LIN52: variants seen among roughly 807,000 people sequenced by gnomAD.
LIN52 encodes protein lin-52 homolog.
A neutral mutation model predicts 18.5 loss-of-function variants in LIN52; 4 were observed. The observed-to-expected ratio is 0.22, with a 90% confidence interval of 0.11 to 0.49. The LOEUF (loss-of-function observed/expected upper bound fraction) is 0.49. Among genes scored for constraint, LIN52 ranks in the 20% least tolerant of loss-of-function variants. LIN52 has a pLI of 0.97. For missense variants in LIN52, 102 were observed against 139.5 expected (o/e 0.73, Z 1.35); for synonymous variants, 34 against 45.5 (o/e 0.75, Z 1.02).
At chr14:74,113,547 G>A (rs1473550750) in intron 5 of LIN52, among the ~76,000 whole-genome samples, 2 of 152,148 alleles carry the variant, frequency 1.3e-5, no homozygotes, top group African/African-American at 4.8e-5. Flanking sequence ...CTAGACCCCA[G>A]GTTATGTTAG....
chr14:74,117,533 T>G (rs1229864324), intron 5 of LIN52, among the ~76,000 whole-genome samples: 1 of 152,174 alleles, frequency 6.6e-6, no homozygotes, highest in East Asian at 1.9e-4. Context: ...TGATGAGAAC[T>G]AAAGTGATTA....
intron 5 of LIN52, among the ~76,000 whole-genome samples, chr14:74,147,174 C>T (rs2061155463): frequency 6.6e-6 from 1 of 152,168 alleles, no homozygotes; most frequent in Non-Finnish European, 1.5e-5. Context: ...AGGAGAATCG[C>T]TTGGATGCCT....
chr14:74,192,263 C>G (rs2078882141), intron 5 of LIN52, among the ~76,000 whole-genome samples: 1 of 151,926 alleles, frequency 6.6e-6, no homozygotes, highest in Non-Finnish European at 1.5e-5. Context: ...AGACTGAGAA[C>G]AGTGGTTGTT....
At chr14:74,103,106 T>C (rs2060870244) in intron 5 of LIN52, among the ~76,000 whole-genome samples, 1 of 152,152 alleles carries the variant, frequency 6.6e-6, no homozygotes, top group Admixed American at 6.5e-5. Context: ...TGAGACAGAG[T>C]CTTACTCTGT....
chr14:74,094,935 C>T (rs141894356), intron 2 of LIN52, among the ~76,000 whole-genome samples: 1 of 151,658 alleles, frequency 6.6e-6, no homozygotes, highest in African/African-American at 2.4e-5. Flanking sequence ...ACTGTGTTGC[C>T]CAGGCTGGTC....
At chr14:74,181,894 T>C (rs1284146951) in intron 5 of LIN52, among the ~76,000 whole-genome samples, 1 of 152,190 alleles carries the variant, frequency 6.6e-6, no homozygotes, top group Non-Finnish European at 1.5e-5. Context: ...TTGAAACAAA[T>C]TCATAAGCAA....
At chr14:74,145,316 AT>A (rs2061148956) in intron 5 of LIN52, among the ~76,000 whole-genome samples, 1 of 152,166 alleles carries the variant, frequency 6.6e-6, no homozygotes, top group Non-Finnish European at 1.5e-5. Flanking sequence ...TATTACTTTT[AT>A]GTGTGCCCTC....
At chr14:74,178,323 TTTAGGTGTATTATTCATATTGTC>T (rs2061302233) in intron 5 of LIN52, among the ~76,000 whole-genome samples, 1 of 152,222 alleles carries the variant, frequency 6.6e-6, no homozygotes, top group Non-Finnish European at 1.5e-5. Context: ...GGTAGGAATC[TTTAGGTGTATTATTCATATTGTC>T]TTTTGGCCAT....
chr14:74,109,485 G>A (rs889122772), intron 5 of LIN52, among the ~76,000 whole-genome samples: 1 of 152,120 alleles, frequency 6.6e-6, no homozygotes, highest in Admixed American at 6.6e-5. Context: ...AAAATTGGTT[G>A]GCCGTAAATG....
At chr14:74,095,713 T>C (rs557704946) in intron 2 of LIN52, among the ~76,000 whole-genome samples, 15 of 152,218 alleles carry the variant, frequency 9.9e-5, no homozygotes, top group Non-Finnish European at 2.1e-4. Context: ...TGAGGCATTA[T>C]TTTCCTTGAG....
intron 5 of LIN52, among the ~76,000 whole-genome samples, chr14:74,106,031 A>T (rs1284065840): frequency 1.3e-5 from 2 of 152,248 alleles, no homozygotes; most frequent in African/African-American, 2.4e-5. Context: ...ATAGTCTCTC[A>T]GATGATTGAG....
intron 5 of LIN52, among the ~76,000 whole-genome samples, chr14:74,105,578 ATT>A (rs11330179): frequency 0.12 from 17,000 of 147,672 alleles, 1,212 homozygotes; most frequent in Admixed American, 0.19. Flanking sequence ...TAAAAACAAG[ATT>A]TTTTTTTTTT....
intron 4 of LIN52, among the ~76,000 whole-genome samples, chr14:74,099,292 C>T (rs1264794244): frequency 6.6e-6 from 1 of 151,946 alleles, no homozygotes; most frequent in East Asian, 1.9e-4. Flanking sequence ...AAAAAAACAC[C>T]TTTATTTGAT....
chr14:74,165,843 C>G (rs1212690578), intron 5 of LIN52, among the ~76,000 whole-genome samples: 2 of 150,936 alleles, frequency 1.3e-5, no homozygotes, highest in African/African-American at 4.9e-5. Flanking sequence ...GCCTTGTTTC[C>G]AAAAATGTTA....
chr14:74,151,369 C>A (rs1453074675), intron 5 of LIN52, among the ~76,000 whole-genome samples: 3 of 152,026 alleles, frequency 2.0e-5, no homozygotes, highest in Non-Finnish European at 4.4e-5. Flanking sequence ...TTGGATAGAA[C>A]CCTTGGAAAG....
chr14:74,195,187 A>G (rs1232027337), intron 5 of LIN52, among the ~76,000 whole-genome samples: 2 of 152,210 alleles, frequency 1.3e-5, no homozygotes, highest in South Asian at 2.1e-4. Flanking sequence ...CTGACTCTAT[A>G]TAACACTCTC....
At chr14:74,106,655 G>T (rs2060898758) in intron 5 of LIN52, among the ~76,000 whole-genome samples, 1 of 151,956 alleles carries the variant, frequency 6.6e-6, no homozygotes, top group African/African-American at 2.4e-5. Flanking sequence ...CAGTGGTGCA[G>T]TCTTGGCTCA....
At chr14:74,099,018 G>A (rs1355619850) in intron 4 of LIN52, among the ~76,000 whole-genome samples, 5 of 152,012 alleles carry the variant, frequency 3.3e-5, no homozygotes, top group Admixed American at 3.3e-4. Flanking sequence ...ACTATAAGTA[G>A]TGAATATTGT....
At chr14:74,189,542 T>C (rs1331732392) in intron 5 of LIN52, among the ~76,000 whole-genome samples, 1 of 152,220 alleles carries the variant, frequency 6.6e-6, no homozygotes, top group Non-Finnish European at 1.5e-5. Flanking sequence ...GTTGTTTTGG[T>C]TTGTTTCTAG....
Sources: gnomAD v4.1 joint callset for allele counts (sites outside exome capture counted in the v4.1 genomes callset) on GRCh38, gnomAD v4.1.1 for gene constraint, MANE v1.5 for transcripts, NCBI Gene and HGNC (gene_info 2026-07-23, HGNC 2026-07-21) for gene names.